Variants in CXXC4 observed in about 807,000 individuals in gnomAD.
The protein encoded by CXXC4 is CXXC finger protein 4.
Under a neutral mutation model 20.5 loss-of-function variants are expected in CXXC4, and 5 were observed. That is an observed-to-expected ratio of 0.24 (90% CI 0.13 to 0.51). CXXC4 has a LOEUF of 0.51. CXXC4 is among the 20% of genes least tolerant of loss of function. The pLI, the probability that CXXC4 is intolerant of heterozygous loss-of-function variation, is 0.97. For synonymous variants in CXXC4, 250 were observed against 216.4 expected, an observed-to-expected ratio of 1.16 and a Z score of -1.36; for missense variants, 419 against 496.4, an observed-to-expected ratio of 0.84 and a Z score of 1.48.
rs1336366392 is a variant in CXXC4, at chr4:104,472,330, A to ACCAT, written c.1092_1095dup (p.Phe366MetfsTer7). ...TAAGATATACTACTGCTTTAAAAGA[A>ACCAT]CCATCGGAATGCTTCAGCGCTGGGA... is the stretch of plus-strand genomic sequence containing the variant. On this transcript the variant is annotated frameshift_variant, in exon 3 of 3. Coordinates refer to ENST00000394767, the MANE Select transcript of CXXC4 (RefSeq NM_025212.4). LOFTEE classifies it high-confidence loss of function. 1 of 1,604,078 alleles carries ACCAT rather than the reference A, an allele frequency of 6.2e-7. No individual in the cohort carries two copies.
chr4:104,469,875 G>T lies in CXXC4; in HGVS notation c.*2447C>A, dbSNP rs1222545148. The T allele has an allele frequency of 6.6e-6, 1 of 151,898 alleles. No homozygotes were observed. The highest frequency in any genetic ancestry group is 1.5e-5 in the Non-Finnish European group (1 of 67,946). 9.4% of individuals were successfully genotyped at this position (151,898 alleles called of 1,614,324 possible). A position where few individuals can be genotyped will look rare whatever the true frequency, so the allele number is the denominator to read the frequency against. On this transcript the variant is annotated 3_prime_UTR_variant, in exon 3 of 3. Coordinates refer to ENST00000394767, the MANE Select transcript of CXXC4 (RefSeq NM_025212.4). The stretch of plus-strand genomic sequence containing the variant: ...ATGAATTGACATGTAAAACACCACA[G>T]TTTACAATATACAGATTCATTAGTT...
rs745646592 is a variant in CXXC4, at chr4:104,472,115, A to G, written c.*207T>C. 1.2e-4 allele frequency: 46 copies of G among 391,906 alleles called. No individual in the cohort carries two copies. The highest frequency in any genetic ancestry group is 1.8e-4 in the Non-Finnish European group (39 of 217,014). The allele number at this position is 391,906 out of a possible 1,614,324, so 24.3% of individuals were successfully genotyped here. On this transcript the variant is annotated 3_prime_UTR_variant, in exon 3 of 3. Coordinates refer to ENST00000394767, the MANE Select transcript of CXXC4 (RefSeq NM_025212.4). ...GAATCAGCGTATTGAAAGTAAATAGACTGGCCAATTCTCCAAGCTCTCACA... is the reference window on the plus strand; with the variant it reads ...GAATCAGCGTATTGAAAGTAAATAGGCTGGCCAATTCTCCAAGCTCTCACA...
At chr4:104,472,952 T>C in intron 2 of CXXC4, among the ~76,000 whole-genome samples, 1 of 151,876 alleles carries the variant, frequency 6.6e-6, no homozygotes, top group East Asian at 1.9e-4. Context: ...TTCTATGCGG[T>C]TAAAATGACT....
At position 104,468,702 on chromosome 4, in the gene CXXC4, A is replaced by T. The variant is rs978036309; in HGVS notation, c.*3620T>A. Reference sequence around the variant, plus strand: ...TCAGTGTGAAATGCCAAATTTAATAAAAAAAAAAAAACTGAAACATTTAGC... The same window carrying T: ...TCAGTGTGAAATGCCAAATTTAATATAAAAAAAAAAACTGAAACATTTAGC... On this transcript the variant is annotated 3_prime_UTR_variant, in exon 3 of 3. Coordinates refer to ENST00000394767, the MANE Select transcript of CXXC4 (RefSeq NM_025212.4). The T allele has an allele frequency of 2.9e-5, 3 of 104,670 alleles. No individual in the cohort carries two copies. In the African/African-American group the frequency reaches 6.8e-4, roughly 24 times the overall value. 6.5% of individuals were successfully genotyped at this position (104,670 alleles called of 1,614,324 possible).
rs903916384 is a variant in CXXC4, at chr4:104,471,317, A to G, written c.*1005T>C. The G allele has an allele frequency of 2.6e-5, 4 of 152,078 alleles. No individual in the cohort carries two copies. Among genetic ancestry groups the G allele is most frequent in the African/African-American group, 4.8e-5 (2 of 41,454 alleles). The allele number at this position is 152,078 out of a possible 1,614,324, so 9.4% of individuals were successfully genotyped here. A position where few individuals can be genotyped will look rare whatever the true frequency, so the allele number is the denominator to read the frequency against. Reference sequence around the variant, plus strand: ...AAGATTTTTTCCTACAGAAAAAATAAGAAAAAAATTAAGAAACAATAAAAC... The same window carrying G: ...AAGATTTTTTCCTACAGAAAAAATAGGAAAAAAATTAAGAAACAATAAAAC... On this transcript the variant is annotated 3_prime_UTR_variant, in exon 3 of 3. Transcript: ENST00000394767.
chr4:104,491,608 G>A lies in CXXC4; in HGVS notation c.195C>T (p.Arg65=), dbSNP rs1467437549. 1.3e-6 allele frequency: 2 copies of A among 1,541,796 alleles called. No individual in the cohort carries two copies. Among genetic ancestry groups the A allele is most frequent in the Middle Eastern group, 1.7e-4 (1 of 5,966 alleles). Residue 65 remains arginine, a synonymous_variant, in exon 2 of 3, where the codon CGC becomes CGT. Coordinates refer to ENST00000394767, the MANE Select transcript of CXXC4 (RefSeq NM_025212.4). ...TGCTGGGGAAGATGGGGGTGGTGAT[G>A]CGCGCGATCTTGGCCGCCTGTGGGA... ...GAFPQAAKIA[R]ITTPIFPSSA... is the part of the protein sequence containing the mutation.
rs989871222 is a variant in CXXC4 at position 104,470,527 on chromosome 4, G to C, written c.*1795C>G. On this transcript the variant is annotated 3_prime_UTR_variant, in exon 3 of 3. Transcript: ENST00000394767. ...TTCTGCTTTTTAAAAAATCTTTTCTGTCCTATCGTATCCCATTGAAATCTA... is the reference window on the plus strand; with the variant it reads ...TTCTGCTTTTTAAAAAATCTTTTCTCTCCTATCGTATCCCATTGAAATCTA... 3.9e-5 allele frequency: 6 copies of C among 151,910 alleles called. No homozygotes were observed. The highest frequency in any genetic ancestry group is 1.4e-4 in the African/African-American group (6 of 41,394). The allele number at this position is 151,910 out of a possible 1,614,324, so 9.4% of individuals were successfully genotyped here.
At position 104,469,792 on chromosome 4, in the gene CXXC4, T is replaced by C. The variant is rs1321990116; in HGVS notation, c.*2530A>G. On this transcript the variant is annotated 3_prime_UTR_variant, in exon 3 of 3. Transcript: ENST00000394767. ...TCAAGAATAAAAAACATAAGAGAAT[T>C]AATGAAAAGCTACACTTTCTCATTT... 4 of 152,152 alleles carry C rather than the reference T, an allele frequency of 2.6e-5. No homozygotes were observed. The highest frequency in any genetic ancestry group is 5.9e-5 in the Non-Finnish European group (4 of 67,944). 9.4% of individuals were successfully genotyped at this position (152,152 alleles called of 1,614,324 possible).
chr4:104,490,060 A>T (rs1441756722), intron 2 of CXXC4, among the ~76,000 whole-genome samples: 1 of 152,358 alleles, frequency 6.6e-6, no homozygotes, highest in South Asian at 2.1e-4. Flanking sequence ...AAATTAACTA[A>T]TTGTATCCCT....
chr4:104,491,431 GCCGCCGCCGCCGCCGCCGCCACCCCCC>G lies in CXXC4; in HGVS notation c.345_371del (p.Gly126_Gly134del), dbSNP rs1239631291. 1.2e-5 allele frequency: 9 copies of G among 774,732 alleles called. No individual in the cohort carries two copies. Among genetic ancestry groups the G allele is most frequent in the South Asian group, 1.2e-4 (2 of 16,568 alleles). The allele number at this position is 774,732 out of a possible 1,614,324, so 48.0% of individuals were successfully genotyped here. On this transcript the variant is annotated inframe_deletion, in exon 2 of 3. Coordinates refer to ENST00000394767, the MANE Select transcript of CXXC4 (RefSeq NM_025212.4). ...CCCCACCACCCCCGCCCCCGCCTCC[GCCGCCGCCGCCGCCGCCGCCACCCCCC>G]CCGCCGCCGCCCCCGCCCCCGCCGC...
chr4:104,485,542 C>T (rs572943556), intron 2 of CXXC4, among the ~76,000 whole-genome samples: 1 of 152,204 alleles, frequency 6.6e-6, no homozygotes, highest in South Asian at 2.1e-4. Flanking sequence ...TGAGGTCCAG[C>T]AGTAAATTCT....
intron 2 of CXXC4, among the ~76,000 whole-genome samples, chr4:104,486,750 G>T (rs891330867): frequency 6.6e-6 from 1 of 152,074 alleles, no homozygotes; most frequent in Non-Finnish European, 1.5e-5. Flanking sequence ...AAATGTATAT[G>T]TTCAATTATT....
In CXXC4 at chr4:104,475,322, C is replaced by T. The variant is rs534695534; in HGVS notation, c.1060-2956G>A. On this transcript the variant is annotated intron_variant, in intron 2 of 2. Transcript: ENST00000394767. ...AGAAAAATTAGGAAAACTACTGGTG[C>T]AGTAATTAGAAAATAATCAAGGCAC... 3.9e-5 allele frequency: 6 copies of T among 152,076 alleles called. No homozygotes were observed. In the East Asian group the frequency reaches 1.2e-3, roughly 29 times the overall value. 9.4% of individuals were successfully genotyped at this position (152,076 alleles called of 1,614,324 possible).
Position 104,491,815 on chromosome 4 carries a change from GAA to G in CXXC4, c.-15_-14del. 1 of 1,325,916 alleles carries G rather than the reference GAA, an allele frequency of 7.5e-7. No individual in the cohort carries two copies. The highest frequency in any genetic ancestry group is 2.7e-5 in the Admixed American group (1 of 37,070). 82.1% of individuals were successfully genotyped at this position (1,325,916 alleles called of 1,614,324 possible). ...CATTGGTGTTCATGGTGCAGGGGGG[GAA>G]GAAGGGGTGCAGGGTGGAAGTGGGG... On this transcript the variant is annotated 5_prime_UTR_variant, in exon 2 of 3. Coordinates refer to ENST00000394767, the MANE Select transcript of CXXC4 (RefSeq NM_025212.4).
intron 1 of CXXC4, among the ~76,000 whole-genome samples, chr4:104,492,921 T>C (rs1424827043): frequency 6.6e-6 from 1 of 152,142 alleles, no homozygotes; most frequent in Non-Finnish European, 1.5e-5. Context: ...ACCAAGTGCC[T>C]GCAGCCTCTA....
chr4:104,472,503 TA>T (rs1157846924), intron 2 of CXXC4, 137 bp from the exon 3 acceptor site: 2 of 516,776 alleles, frequency 3.9e-6, no homozygotes, highest in Non-Finnish European at 6.9e-6. Context: ...CAACATTTAA[TA>T]AAAAGAAGAA....
chr4:104,491,262 T>G lies in CXXC4; in HGVS notation c.541A>C (p.Lys181Gln). The G allele has an allele frequency of 1.9e-6, 3 of 1,611,974 alleles. No homozygotes were observed. The highest frequency in any genetic ancestry group is 2.5e-6 in the Non-Finnish European group (3 of 1,179,596). ...HHRNDSQRLG[K>Q]AGCPPEPSLQ... ...GACGGCTCTGGCGGGCAGCCAGCTTTCCCCAGCCTCTGGGAGTCGTTTCGG... is the reference window on the plus strand; with the variant it reads ...GACGGCTCTGGCGGGCAGCCAGCTTGCCCCAGCCTCTGGGAGTCGTTTCGG... Residue 181 changes from lysine (K) to glutamine (Q), a missense_variant, in exon 2 of 3, where the codon AAA becomes CAA. Around this residue, in one of 3 missense-constraint regions of CXXC4, gnomAD observed 388 missense variants for 416.0 expected, o/e 0.93. Coordinates refer to ENST00000394767, the MANE Select transcript of CXXC4 (RefSeq NM_025212.4).
At chr4:104,480,413 T>A (rs1218993011) in intron 2 of CXXC4, among the ~76,000 whole-genome samples, 1 of 152,150 alleles carries the variant, frequency 6.6e-6, no homozygotes, top group African/African-American at 2.4e-5. Context: ...ACACTGACAT[T>A]TTGTACCATC....
intron 2 of CXXC4, among the ~76,000 whole-genome samples, chr4:104,487,159 G>A (rs1386259188): frequency 2.0e-5 from 3 of 152,098 alleles, no homozygotes; most frequent in African/African-American, 7.2e-5. Context: ...GTCTCTCAAT[G>A]TCTTCACTAT....
Sources: allele counts gnomAD v4.1 joint callset (sites outside exome capture counted in the v4.1 genomes callset), GRCh38; gene constraint gnomAD v4.1.1; regional missense constraint gnomAD v4.1.1; transcripts MANE v1.5; gene names NCBI Gene and HGNC (gene_info 2026-07-23, HGNC 2026-07-21).